The following RAB28 variants were observed in gnomAD, a reference collection of about 807,000 sequenced individuals.
RAB28 encodes the protein RAB28, member RAS oncogene family, also known as ras-related protein Rab-28.
Under a neutral mutation model 31.7 loss-of-function variants are expected in RAB28, and 24 were observed. The observed-to-expected ratio is 0.76, with a 90% CI of 0.55 to 1.06. RAB28 has a LOEUF of 1.06. Among genes scored for constraint, RAB28 ranks in the 50% least tolerant of loss-of-function variants. The pLI, the probability that RAB28 is intolerant of heterozygous loss-of-function variation, is 0.00. For synonymous variants in RAB28, 100 were observed against 90.4 expected, an observed-to-expected ratio of 1.11 and a Z score of -0.60; for missense variants, 254 against 258.5, an observed-to-expected ratio of 0.98 and a Z score of 0.12.
At position 13,460,028 on chromosome 4, in the gene RAB28, T is replaced by C. The variant is rs143497118; in HGVS notation, c.391+671A>G. On this transcript the variant is annotated intron_variant, in intron 4 of 6. Coordinates refer to ENST00000330852, the MANE Select transcript of RAB28 (RefSeq NM_001017979.3). The stretch of plus-strand genomic sequence containing the variant: ...AATAGACCACGCATCAAAACAGTTA[T>C]TGAAAAGATTGTACACACTCTTAGG... The C allele has an allele frequency of 2.7e-4, 164 of 617,446 alleles. 1 individual carries two copies. In the African/African-American group the frequency reaches 2.9e-3, roughly 11 times the overall value. The allele number at this position is 617,446 out of a possible 1,614,324, so 38.2% of individuals were successfully genotyped here.
chr4:13,477,454 C>T (rs933724722), intron 2 of RAB28, among the ~76,000 whole-genome samples: 4 of 151,526 alleles, frequency 2.6e-5, no homozygotes, highest in Admixed American at 6.6e-5. Flanking sequence ...ATACATTAAT[C>T]ATCCTACATG....
rs138303410 is a variant in RAB28, at chr4:13,403,517, T to C, written c.392-21923A>G. ...CAAGTCCCCTTATATTCCAGACTAT[T>C]TGCTAACTTCAGCAGTTTTATTCGT... On this transcript the variant is annotated intron_variant, in intron 4 of 6. Coordinates refer to ENST00000330852, the MANE Select transcript of RAB28 (RefSeq NM_001017979.3). Among the ~76,000 whole-genome samples, 30 of 152,348 alleles carry C rather than the reference T, an allele frequency of 2.0e-4. 1 individual carries two copies. In the East Asian group the frequency reaches 5.6e-3, roughly 28 times the overall value.
At chr4:13,394,036 A>C (rs114627494) in intron 4 of RAB28, among the ~76,000 whole-genome samples, 87 of 152,332 alleles carry the variant, frequency 5.7e-4, no homozygotes, top group African/African-American at 1.5e-3. Flanking sequence ...GGTAGAAAGA[A>C]TAAGTGAGCA....
At chr4:13,397,750 A>T (rs1311060573) in intron 4 of RAB28, among the ~76,000 whole-genome samples, 1 of 152,080 alleles carries the variant, frequency 6.6e-6, no homozygotes, top group Admixed American at 6.6e-5. Flanking sequence ...TTTCTCTACA[A>T]TTATTATCAC....
At chr4:13,452,116 T>A (rs1715002994) in intron 4 of RAB28, among the ~76,000 whole-genome samples, 1 of 151,996 alleles carries the variant, frequency 6.6e-6, no homozygotes, top group Admixed American at 6.6e-5. Flanking sequence ...TTTGGTCCTA[T>A]GGTATCTATT....
chr4:13,406,664 T>C (rs949177516), intron 4 of RAB28, among the ~76,000 whole-genome samples: 1 of 152,210 alleles, frequency 6.6e-6, no homozygotes, highest in African/African-American at 2.4e-5. Context: ...CCAGCATCTG[T>C]TGTTTCCTGA....
chr4:13,391,156 T>G (rs1231312201), intron 4 of RAB28, among the ~76,000 whole-genome samples: 1 of 152,122 alleles, frequency 6.6e-6, no homozygotes, highest in Non-Finnish European at 1.5e-5. Context: ...AATCTACCCA[T>G]CTGACAAAGG....
chr4:13,453,919 C>T (rs1393707496), intron 4 of RAB28, among the ~76,000 whole-genome samples: 1 of 152,160 alleles, frequency 6.6e-6, no homozygotes, highest in Non-Finnish European at 1.5e-5. Context: ...AAGTTTCCTA[C>T]AACTTGTCTC....
intron 4 of RAB28, among the ~76,000 whole-genome samples, chr4:13,417,387 T>A (rs1712844583): frequency 6.6e-6 from 1 of 152,194 alleles, no homozygotes; most frequent in African/African-American, 2.4e-5. Flanking sequence ...AAGAGGGCAG[T>A]GGTTTTCCCA....
At chr4:13,459,059 C>A (rs1012827715) in intron 4 of RAB28, among the ~76,000 whole-genome samples, 13 of 152,194 alleles carry the variant, frequency 8.5e-5, no homozygotes, top group Admixed American at 7.2e-4. Context: ...TAGAATAAAG[C>A]AGATTTGCTG....
intron 4 of RAB28, among the ~76,000 whole-genome samples, chr4:13,428,167 C>T (rs1483923085): frequency 6.6e-6 from 1 of 152,202 alleles, no homozygotes; most frequent in African/African-American, 2.4e-5. Flanking sequence ...GATCTTTAAC[C>T]AGGCCCAGGG....
chr4:13,402,663 T>C (rs1211819480), intron 4 of RAB28, among the ~76,000 whole-genome samples: 1 of 152,208 alleles, frequency 6.6e-6, no homozygotes, highest in East Asian at 1.9e-4. Flanking sequence ...TAGTCGGGTC[T>C]TGCTTTTCTA....
At chr4:13,411,856 A>G (rs1261858988) in intron 4 of RAB28, among the ~76,000 whole-genome samples, 2 of 152,056 alleles carry the variant, frequency 1.3e-5, no homozygotes, top group South Asian at 2.1e-4. Context: ...AAGATCAAAT[A>G]TACCATGATC....
At chr4:13,424,149 C>A (rs774521909) in intron 4 of RAB28, among the ~76,000 whole-genome samples, 3 of 152,168 alleles carry the variant, frequency 2.0e-5, no homozygotes, top group Non-Finnish European at 4.4e-5. Context: ...AGTATCAATC[C>A]TTTCCTCATT....
intron 3 of RAB28, 192 bp downstream of exon 3, chr4:13,474,126 A>G (rs993538174): frequency 1.4e-6 from 1 of 723,950 alleles, no homozygotes; most frequent in South Asian, 1.4e-5. Flanking sequence ...CTGTTCCCTC[A>G]CCCAAATCAC....
At chr4:13,466,064 C>A (rs1471101609) in intron 3 of RAB28, among the ~76,000 whole-genome samples, 4 of 151,872 alleles carry the variant, frequency 2.6e-5, no homozygotes, top group African/African-American at 7.2e-5. Context: ...TATACAAAAA[C>A]CAACTCGAAA....
chr4:13,421,153 C>A (rs1374976445), intron 4 of RAB28, among the ~76,000 whole-genome samples: 1 of 151,980 alleles, frequency 6.6e-6, no homozygotes, highest in African/African-American at 2.4e-5. Context: ...CTCCCATTCA[C>A]AATTGCTTCA....
chr4:13,411,680 A>T (rs1300632819), intron 4 of RAB28, among the ~76,000 whole-genome samples: 1 of 152,168 alleles, frequency 6.6e-6, no homozygotes, highest in African/African-American at 2.4e-5. Flanking sequence ...AACATATTTT[A>T]AAAATAAAAT....
chr4:13,413,678 A>G (rs1225112457), intron 4 of RAB28, among the ~76,000 whole-genome samples: 1 of 152,226 alleles, frequency 6.6e-6, no homozygotes, highest in African/African-American at 2.4e-5. Context: ...ATAGTAATAA[A>G]TAAGAAAAGA....
Sources: gnomAD v4.1 joint callset for allele counts (sites outside exome capture counted in the v4.1 genomes callset) on GRCh38, gnomAD v4.1.1 for gene constraint, MANE v1.5 for transcripts, NCBI Gene and HGNC (gene_info 2026-07-23, HGNC 2026-07-21) for gene names.